Variants in GNG12 observed in about 807,000 individuals in gnomAD.
GNG12 encodes the protein G protein subunit gamma 12, also known as guanine nucleotide-binding protein G(I)/G(S)/G(O) subunit gamma-12.
For missense variants in GNG12, 69 were observed against 83.8 expected (o/e 0.82, Z 0.69); for synonymous variants, 28 against 29.7 (o/e 0.94, Z 0.19).
intron 1 of GNG12, among the ~76,000 whole-genome samples, chr1:67,816,488 C>T (rs1646954377): frequency 6.6e-6 from 1 of 152,208 alleles, no homozygotes. Flanking sequence ...CCTGGACACA[C>T]TCACCCTCCA....
chr1:67,748,946 T>C (rs777849933), intron 2 of GNG12, among the ~76,000 whole-genome samples: 15 of 151,870 alleles, frequency 9.9e-5, no homozygotes, highest in Non-Finnish European at 2.1e-4. Context: ...TCCCTTTCGG[T>C]TGGCCAACTC....
chr1:67,797,212 A>T (rs894244069), intron 1 of GNG12, among the ~76,000 whole-genome samples: 2 of 152,184 alleles, frequency 1.3e-5, no homozygotes, highest in Non-Finnish European at 2.9e-5. Flanking sequence ...TCTCAATGGG[A>T]TTATACCATC....
intron 1 of GNG12, among the ~76,000 whole-genome samples, chr1:67,781,390 G>A (rs1022835080): frequency 6.6e-6 from 1 of 152,188 alleles, no homozygotes; most frequent in Non-Finnish European, 1.5e-5. Context: ...TATACTGAAT[G>A]TAAATCATGT....
At chr1:67,795,763 G>A (rs571601992) in intron 1 of GNG12, among the ~76,000 whole-genome samples, 6 of 152,294 alleles carry the variant, frequency 3.9e-5, no homozygotes, top group African/African-American at 1.4e-4. Flanking sequence ...CAGCACAGGA[G>A]TTTCCTTTAT....
chr1:67,793,011 A>G (rs754190680), intron 1 of GNG12, among the ~76,000 whole-genome samples: 4 of 152,196 alleles, frequency 2.6e-5, no homozygotes, highest in African/African-American at 7.2e-5. Flanking sequence ...CCAGTGTGAC[A>G]GTGAATACCA....
intron 1 of GNG12, among the ~76,000 whole-genome samples, chr1:67,807,315 A>G (rs2265920): frequency 0.73 from 111,288 of 151,842 alleles, 40,930 homozygotes; most frequent in Middle Eastern, 0.8. Flanking sequence ...AGCATTAAAT[A>G]CATATATCAG....
chr1:67,706,833 A>G lies in GNG12; in HGVS notation c.93+761T>C, dbSNP rs1168999414. On this transcript the variant is annotated intron_variant, in intron 3 of 3. Transcript: ENST00000370982. ...CGCCACCGTGCCTGGCTAATTTTGT[A>G]TTTTTAGTAGAGACAGGGGTTTCTC... Among the ~76,000 whole-genome samples, 3 of 151,482 alleles carry G rather than the reference A, an allele frequency of 2.0e-5. No individual in the cohort carries two copies. The East Asian group carries it at 5.8e-4, about 29-fold the overall frequency.
At chr1:67,818,138 C>T (rs988266733) in intron 1 of GNG12, among the ~76,000 whole-genome samples, 2 of 145,152 alleles carry the variant, frequency 1.4e-5, no homozygotes, top group Admixed American at 7.1e-5. Flanking sequence ...TACTAGGCTT[C>T]GACAGACTGG....
chr1:67,734,752 G>A (rs1255228329), intron 2 of GNG12, among the ~76,000 whole-genome samples: 1 of 152,168 alleles, frequency 6.6e-6, no homozygotes, highest in Admixed American at 6.5e-5. Context: ...TCAGCCTCCT[G>A]AGTAGCTAGG....
At position 67,709,811 on chromosome 1, in the gene GNG12, G is replaced by GATAT. The variant is rs560758532; in HGVS notation, c.-26-2103_-26-2100dup. On this transcript the variant is annotated intron_variant, in intron 2 of 3. Transcript: ENST00000370982. ...GTGCTCTGACTCACAGCAAGTTGCA[G>GATAT]ATATATATATATATAAATATATATA... Among the ~76,000 whole-genome samples, 358 of 121,182 alleles carry GATAT rather than the reference G, an allele frequency of 3.0e-3. 5 individuals are homozygous for GATAT. The highest frequency in any genetic ancestry group is 0.011 in the African/African-American group (338 of 30,618). 79.5% of individuals were successfully genotyped at this position (121,182 alleles called of 152,430 possible).
intron 1 of GNG12, among the ~76,000 whole-genome samples, chr1:67,814,870 G>GT: frequency 6.6e-6 from 1 of 152,326 alleles, no homozygotes; most frequent in Admixed American, 6.5e-5. Context: ...ACTGTCTTCT[G>GT]TAAAATGAAC....
intron 2 of GNG12, among the ~76,000 whole-genome samples, chr1:67,774,415 C>T (rs1342720625): frequency 1.3e-5 from 2 of 152,200 alleles, no homozygotes; most frequent in Non-Finnish European, 2.9e-5. Context: ...CAGCTACATA[C>T]ATCAGATCAA....
chr1:67,708,483 A>G (rs1646263000), intron 2 of GNG12, among the ~76,000 whole-genome samples: 1 of 152,146 alleles, frequency 6.6e-6, no homozygotes, highest in Non-Finnish European at 1.5e-5. Context: ...ACTCCATCAT[A>G]TGTTCGTGGA....
chr1:67,737,825 T>C (rs1205061227), intron 2 of GNG12, among the ~76,000 whole-genome samples: 1 of 152,216 alleles, frequency 6.6e-6, no homozygotes, highest in Non-Finnish European at 1.5e-5. Flanking sequence ...GTGGCCCCTG[T>C]AAACAAGGGC....
At chr1:67,766,941 G>A (rs141467746) in intron 2 of GNG12, among the ~76,000 whole-genome samples, 41 of 152,314 alleles carry the variant, frequency 2.7e-4, no homozygotes, top group African/African-American at 9.9e-4. Flanking sequence ...ATTCCCAAGG[G>A]AGAATCAAAT....
chr1:67,706,743 C>T (rs1052799147), intron 3 of GNG12, among the ~76,000 whole-genome samples: 3 of 151,700 alleles, frequency 2.0e-5, no homozygotes, highest in Non-Finnish European at 4.4e-5. Flanking sequence ...GCAACCTCTG[C>T]CTCCTAGATT....
intron 2 of GNG12, among the ~76,000 whole-genome samples, chr1:67,712,265 C>T (rs1646299791): frequency 6.6e-6 from 1 of 152,218 alleles, no homozygotes; most frequent in South Asian, 2.1e-4. Context: ...CCAAGGCAAA[C>T]AATACCTGAT....
chr1:67,795,520 T>C (rs1026378164), intron 1 of GNG12, among the ~76,000 whole-genome samples: 1 of 152,234 alleles, frequency 6.6e-6, no homozygotes. Flanking sequence ...AGCCAAAGAA[T>C]AAGATGCTGT....
At chr1:67,782,232 C>T (rs1034224915) in intron 1 of GNG12, among the ~76,000 whole-genome samples, 5 of 152,158 alleles carry the variant, frequency 3.3e-5, no homozygotes, top group Admixed American at 2.0e-4. Context: ...TAAGTCTATC[C>T]TACAAATTTG....
Sources: gnomAD v4.1 joint callset for allele counts (sites outside exome capture counted in the v4.1 genomes callset) on GRCh38, gnomAD v4.1.1 for gene constraint, MANE v1.5 for transcripts, NCBI Gene and HGNC (gene_info 2026-07-23, HGNC 2026-07-21) for gene names.